Variants in HTR4 observed in about 807,000 individuals in gnomAD.
The protein encoded by HTR4 is 5-hydroxytryptamine (serotonin) receptor 4, G protein-coupled.
In HTR4, 16 loss-of-function variants were observed where a neutral mutation model predicts 36.8. The observed-to-expected ratio is 0.43, with a 90% CI of 0.29 to 0.66. HTR4 has a LOEUF of 0.66. Ranked by LOEUF, HTR4 falls within the 30% of genes least tolerant of loss-of-function variation. The pLI is 0.13. For synonymous variants in HTR4, 189 were observed against 185.1 expected (o/e 1.02, Z -0.17); for missense variants, 438 against 490.9 (o/e 0.89, Z 1.02).
At chr5:148,484,871 C>T (rs935342261) in intron 6 of HTR4, among the ~76,000 whole-genome samples, 2 of 152,180 alleles carry the variant, frequency 1.3e-5, no homozygotes, top group Non-Finnish European at 1.5e-5. Flanking sequence ...CTCTAGATAA[C>T]TCAAGATGTG....
chr5:148,577,166 T>A (rs1022454272), intron 2 of HTR4, among the ~76,000 whole-genome samples: 47 of 152,024 alleles, frequency 3.1e-4, no homozygotes, highest in African/African-American at 1.1e-3. Context: ...GACAGGGCCA[T>A]CCATTTTCCA....
At position 148,623,317 on chromosome 5, in the gene HTR4, C is replaced by T. The variant is rs540451982; in HGVS notation, c.26+13672G>A. 2.0e-5 allele frequency among the ~76,000 whole-genome samples: 3 copies of T among 152,190 alleles called. No individual in the cohort carries two copies. In the South Asian group the frequency reaches 6.2e-4, roughly 32 times the overall value. On this transcript the variant is annotated intron_variant, in intron 2 of 6. Transcript: ENST00000377888. ...CTTATCTTAAGGAAATCTTAGGCAG[C>T]CCAGTGAGGAAAACCGGTAGCCAAG...
intron 2 of HTR4, among the ~76,000 whole-genome samples, chr5:148,620,684 T>C (rs759575614): frequency 6.6e-6 from 1 of 152,276 alleles, no homozygotes; most frequent in African/African-American, 2.4e-5. Context: ...ATTTTTAACA[T>C]AGTTGTTACA....
chr5:148,652,101 T>C (rs1404658117), intron 1 of HTR4, among the ~76,000 whole-genome samples: 1 of 152,206 alleles, frequency 6.6e-6, no homozygotes, highest in East Asian at 1.9e-4. Flanking sequence ...ATCAAAGGTG[T>C]TCAATTCATG....
At chr5:148,486,211 T>C (rs1265617992) in intron 6 of HTR4, among the ~76,000 whole-genome samples, 1 of 152,172 alleles carries the variant, frequency 6.6e-6, no homozygotes, top group Non-Finnish European at 1.5e-5. Flanking sequence ...GTTCTCATTG[T>C]TATATTTACA....
chr5:148,579,485 T>A (rs139027394), intron 2 of HTR4, among the ~76,000 whole-genome samples: 1,858 of 152,210 alleles, frequency 0.012, 22 homozygotes, highest in Non-Finnish European at 0.021. Flanking sequence ...CAAGTAAACA[T>A]ATTAGTTTTC....
At chr5:148,639,617 G>GTATATATATATATATATATATATATA (rs370514542) in intron 1 of HTR4, among the ~76,000 whole-genome samples, 12 of 111,854 alleles carry the variant, frequency 1.1e-4, no homozygotes, top group African/African-American at 4.4e-4. Flanking sequence ...TTTCTTCCCA[G>GTATATATATATATATATATATATATA]TATATATATA....
At chr5:148,501,053 T>A (rs1239825425) in intron 6 of HTR4, among the ~76,000 whole-genome samples, 4 of 152,144 alleles carry the variant, frequency 2.6e-5, no homozygotes, top group Admixed American at 6.5e-5. Context: ...TCAAGGGCAT[T>A]ACAAACAGTA....
chr5:148,567,513 C>T (rs998044057), intron 2 of HTR4, among the ~76,000 whole-genome samples: 10 of 152,026 alleles, frequency 6.6e-5, no homozygotes, highest in Admixed American at 1.3e-4. Flanking sequence ...AAGTTTCTAC[C>T]GAGACTTGGT....
intron 2 of HTR4, among the ~76,000 whole-genome samples, chr5:148,611,529 G>A (rs1157385658): frequency 4.5e-5 from 6 of 132,624 alleles, no homozygotes; most frequent in South Asian, 2.9e-4. Flanking sequence ...TGAAGGAAGC[G>A]CTAAACATGT....
intron 2 of HTR4, among the ~76,000 whole-genome samples, chr5:148,579,053 T>C (rs1761035693): frequency 6.6e-6 from 1 of 152,092 alleles, no homozygotes; most frequent in African/African-American, 2.4e-5. Context: ...TTTGTCCAAA[T>C]TCCAGGCATT....
intron 2 of HTR4, among the ~76,000 whole-genome samples, chr5:148,633,382 CTT>C (rs56317650): frequency 6.7e-6 from 1 of 150,010 alleles, no homozygotes; most frequent in Admixed American, 6.7e-5. Context: ...TATTAGAATT[CTT>C]TTTTTTTTAT....
At chr5:148,522,592 A>T (rs531872746) in intron 5 of HTR4, among the ~76,000 whole-genome samples, 111 of 152,322 alleles carry the variant, frequency 7.3e-4, no homozygotes, top group African/African-American at 2.6e-3. Flanking sequence ...GACATTTGTT[A>T]AAGCAGTAAA....
chr5:148,533,933 A>T (rs781568437), intron 4 of HTR4, among the ~76,000 whole-genome samples: 3 of 152,338 alleles, frequency 2.0e-5, no homozygotes, highest in African/African-American at 7.2e-5. Flanking sequence ...ACATTATTTA[A>T]CAAATAATAA....
At chr5:148,506,983 A>G (rs749382665) in intron 6 of HTR4, among the ~76,000 whole-genome samples, 2 of 152,192 alleles carry the variant, frequency 1.3e-5, no homozygotes, top group Non-Finnish European at 2.9e-5. Flanking sequence ...TCAAGGATCT[A>G]GAACTAGAAA....
chr5:148,626,265 G>A (rs1753100900), intron 2 of HTR4, among the ~76,000 whole-genome samples: 1 of 152,230 alleles, frequency 6.6e-6, no homozygotes, highest in South Asian at 2.1e-4. Flanking sequence ...ATAAAATTCA[G>A]TTCAATTCAA....
At chr5:148,562,664 A>G (rs1760266100) in intron 2 of HTR4, among the ~76,000 whole-genome samples, 1 of 152,152 alleles carries the variant, frequency 6.6e-6, no homozygotes, top group Admixed American at 6.6e-5. Flanking sequence ...GACAGCTTAA[A>G]TTTAACATGT....
At position 148,654,139 on chromosome 5, in the gene HTR4, T is replaced by TGCCGCC; in HGVS notation, c.-131_-126dup. 2.0e-6 allele frequency: 2 copies of TGCCGCC among 985,696 alleles called. No individual in the cohort carries two copies. The highest frequency in any genetic ancestry group is 2.4e-6 in the Non-Finnish European group (2 of 830,066). The allele number at this position is 985,696 out of a possible 1,614,324, so 61.1% of individuals were successfully genotyped here. ...CCCAGCCGCTGAGCCGAGCTTCTGC[T>TGCCGCC]GCCGCCGCTGCCGCTGCGCTCCCAG... is the stretch of plus-strand genomic sequence containing the variant. On this transcript the variant is annotated 5_prime_UTR_variant, in exon 1 of 7. Transcript: ENST00000377888.
Position 148,481,679 on chromosome 5 carries a change from GA to G in HTR4, c.*1523del, listed in dbSNP as rs201300949. ...ATAACTGACACCTTATAAGCAATAA[GA>G]AAAAAAGAGAATATGATAAATAATC... On this transcript the variant is annotated 3_prime_UTR_variant, in exon 7 of 7. Coordinates refer to ENST00000377888, the MANE Select transcript of HTR4 (RefSeq NM_000870.7). The G allele has an allele frequency of 2.0e-6, 3 of 1,476,714 alleles. No individual in the cohort carries two copies. The highest frequency in any genetic ancestry group is 5.0e-5 in the East Asian group (2 of 40,400). The allele number at this position is 1,476,714 out of a possible 1,614,324, so 91.5% of individuals were successfully genotyped here. A position where few individuals can be genotyped will look rare whatever the true frequency, so the allele number is the denominator to read the frequency against.
Sources: gnomAD v4.1 joint callset for allele counts (sites outside exome capture counted in the v4.1 genomes callset) on GRCh38, gnomAD v4.1.1 for gene constraint, MANE v1.5 for transcripts, NCBI Gene and HGNC (gene_info 2026-07-23, HGNC 2026-07-21) for gene names.